GOLGA3: variants seen among roughly 807,000 people sequenced by gnomAD.
The protein encoded by GOLGA3 is golgin subfamily A member 3.
Under a neutral mutation model 169.4 loss-of-function variants are expected in GOLGA3, and 75 were observed. The observed-to-expected ratio is 0.44, with a 90% CI of 0.37 to 0.54. The LOEUF (loss-of-function observed/expected upper bound fraction) is 0.54, where lower values mean the gene tolerates loss of function less well. GOLGA3 is among the 20% of genes least tolerant of loss of function. The pLI, the probability that GOLGA3 is intolerant of heterozygous loss-of-function variation, is 0.00. For missense variants in GOLGA3, 1,899 were observed against 1,930.0 expected (o/e 0.98, Z 0.30); for synonymous variants, 824 against 822.4 (o/e 1.00, Z -0.03).
chr12:132,782,396 G>A lies in GOLGA3; in HGVS notation c.3365C>T (p.Thr1122Met), dbSNP rs753775630. Reference sequence around the variant, plus strand: ...AGCTGCGTTGGACTGACCGAGGCCCGTAAGCTTCCCTTTCTCGTGCTCTAA... The same window carrying A: ...AGCTGCGTTGGACTGACCGAGGCCCATAAGCTTCCCTTTCTCGTGCTCTAA... ...LELEHEKGKL[T>M]GLGQSNAALR... is the part of the protein sequence containing the mutation. The change falls in exon 17 of 24, where the codon ACG (threonine) becomes ATG (methionine). Residue 1122 changes from threonine to methionine, a missense_variant. Coordinates refer to ENST00000450791, the MANE Select transcript of GOLGA3 (RefSeq NM_001389683.1). 20 of 1,614,138 alleles carry A rather than the reference G, an allele frequency of 1.2e-5. No homozygotes were observed. The highest frequency in any genetic ancestry group is 1.6e-4 in the Middle Eastern group (1 of 6,062).
chr12:132,776,802 T>G, intron 20 of GOLGA3, 46 bp from the exon 21 acceptor site: 1 of 1,605,486 alleles, frequency 6.2e-7, no homozygotes. Context: ...TAAAGTGGCT[T>G]TACTGCCCTG....
intron 11 of GOLGA3, among the ~76,000 whole-genome samples, chr12:132,792,216 C>G (rs1243013077): frequency 6.6e-6 from 1 of 152,214 alleles, no homozygotes; most frequent in African/African-American, 2.4e-5. Context: ...CTCCTCACCA[C>G]TGACAGCATG....
intron 2 of GOLGA3, among the ~76,000 whole-genome samples, chr12:132,821,418 AAAG>A (rs1451147090): frequency 6.6e-6 from 1 of 152,040 alleles, no homozygotes; most frequent in Non-Finnish European, 1.5e-5. Flanking sequence ...GAAAAAAAAA[AAAG>A]GTAGAATTTT....
intron 8 of GOLGA3, 113 bp downstream of exon 8, chr12:132,801,654 A>T: frequency 9.8e-7 from 1 of 1,024,812 alleles, no homozygotes; most frequent in Non-Finnish European, 1.4e-6. Context: ...ACAGCAGGTT[A>T]AAAACAAAAA....
At chr12:132,826,257 A>AC in intron 1 of GOLGA3, 1 of 1,213,918 alleles carries the variant, frequency 8.2e-7, no homozygotes, top group Non-Finnish European at 1.1e-6. Flanking sequence ...AAAAAAAAAA[A>AC]AGAAACTGGA....
Position 132,781,056 on chromosome 12 carries a change from T to C in GOLGA3, c.3466-142A>G, listed in dbSNP as rs2045576572. The C allele has an allele frequency of 4.6e-6, 3 of 648,962 alleles. No individual in the cohort carries two copies. The Admixed American group carries it at 7.5e-5, about 16-fold the overall frequency. 40.2% of individuals were successfully genotyped at this position (648,962 alleles called of 1,614,324 possible). The stretch of plus-strand genomic sequence containing the variant: ...GGGAACTTCACTGCTGAAGAATCTG[T>C]GACAAAAACAGAATCCTAGGTTGCG... On this transcript the variant is annotated intron_variant, in intron 17 of 23. Coordinates refer to ENST00000450791, the MANE Select transcript of GOLGA3 (RefSeq NM_001389683.1).
At chr12:132,789,343 G>C in intron 12 of GOLGA3, 53 bp from the exon 13 acceptor site, 3 of 1,459,904 alleles carry the variant, frequency 2.1e-6, no homozygotes, top group Non-Finnish European at 2.7e-6. Context: ...CGTGGGGGGC[G>C]TACCTGGGGG....
chr12:132,773,961 T>C (rs376477694), intron 23 of GOLGA3, among the ~76,000 whole-genome samples, 196 bp downstream of exon 23: 1 of 148,260 alleles, frequency 6.7e-6, no homozygotes, highest in Non-Finnish European at 1.5e-5. Context: ...TCCCCCTTTA[T>C]ATAAACCTCA....
At chr12:132,780,962 A>T (rs1566076193) in intron 17 of GOLGA3, 48 bp from the exon 18 acceptor site, 3 of 1,400,738 alleles carry the variant, frequency 2.1e-6, no homozygotes, top group Admixed American at 1.7e-5. Context: ...TCGAATTACA[A>T]ACACACAAGG....
At position 132,777,856 on chromosome 12, in the gene GOLGA3, T is replaced by C; in HGVS notation, c.3583-51A>G. On this transcript the variant is annotated intron_variant, in intron 18 of 23. Coordinates refer to ENST00000450791, the MANE Select transcript of GOLGA3 (RefSeq NM_001389683.1). This position sits in a 1 kb window ranked among gnomAD's most constrained non-coding sequence, Gnocchi z 4.7. ...CATGCCCTGCGTGACACCCACAGCT[T>C]TATGACGTGCCGGGCGCAGGGGGTG... 1.3e-6 allele frequency: 2 copies of C among 1,599,462 alleles called. No individual in the cohort carries two copies. Among genetic ancestry groups the C allele is most frequent in the South Asian group, 2.2e-5 (2 of 89,586 alleles).
At position 132,813,320 on chromosome 12, in the gene GOLGA3, C is replaced by T. The variant is rs778756369; in HGVS notation, c.506G>A (p.Arg169His). 17 of 1,609,568 alleles carry T rather than the reference C, an allele frequency of 1.1e-5. No individual in the cohort carries two copies. The Admixed American group carries it at 1.2e-4, about 11-fold the overall frequency. Reference sequence around the variant, plus strand: ...AGGGAGACTCACCCTCTCCTGCTGGCGCTTCACCCTGTACTGTTTGAGCTG... The same window carrying T: ...AGGGAGACTCACCCTCTCCTGCTGGTGCTTCACCCTGTACTGTTTGAGCTG... ...EEQLKQYRVK[R>H]QQERSSQPAT... Residue 169 changes from arginine to histidine, a missense_variant, in exon 4 of 24, where the codon CGC becomes CAC. Coordinates refer to ENST00000450791, the MANE Select transcript of GOLGA3 (RefSeq NM_001389683.1).
At chr12:132,820,453 G>A (rs1392422332) in intron 2 of GOLGA3, among the ~76,000 whole-genome samples, 10 of 152,188 alleles carry the variant, frequency 6.6e-5, no homozygotes. Flanking sequence ...CAGGTTCCAC[G>A]GCCGCGGGTC....
chr12:132,816,590 T>G lies in GOLGA3; in HGVS notation c.356A>C (p.Glu119Ala), dbSNP rs186871241. Residue 119 changes from glutamate to alanine, a missense_variant, in exon 3 of 24, where the codon GAA (glutamate) becomes GCA (alanine). By Grantham distance (107) the Glu-to-Ala change is moderately radical. Coordinates refer to ENST00000450791, the MANE Select transcript of GOLGA3 (RefSeq NM_001389683.1). Reference sequence around the variant, plus strand: ...ACTGAGTCTGAGAGACTGCAAAGCTTCTTTTCTAACACTGCCCTCAGCACT... The same window carrying G: ...ACTGAGTCTGAGAGACTGCAAAGCTGCTTTTCTAACACTGCCCTCAGCACT... ...GTSAEGSVRKEALQSLRLSLP... is the reference protein window; with the variant it reads ...GTSAEGSVRKAALQSLRLSLP... 137 of 1,614,118 alleles carry G rather than the reference T, an allele frequency of 8.5e-5. No individual in the cohort carries two copies. The East Asian group carries it at 2.8e-3, about 33-fold the overall frequency.
At chr12:132,810,813 A>AT (rs1949668122) in intron 4 of GOLGA3, among the ~76,000 whole-genome samples, 1 of 152,194 alleles carries the variant, frequency 6.6e-6, no homozygotes, top group East Asian at 1.9e-4. Flanking sequence ...GCCTGACGTC[A>AT]GTCAGGCCCG....
intron 13 of GOLGA3, among the ~76,000 whole-genome samples, chr12:132,787,879 C>T (rs868543971): frequency 1.4e-5 from 2 of 145,328 alleles, no homozygotes; most frequent in Admixed American, 1.3e-4. Context: ...CTTCCCGAGA[C>T]CCCAGGACCC....
chr12:132,801,578 T>TG (rs1052970072), intron 8 of GOLGA3, among the ~76,000 whole-genome samples, 189 bp downstream of exon 8: 121 of 149,856 alleles, frequency 8.1e-4, no homozygotes, highest in African/African-American at 1.2e-3. Context: ...GTCAGAAGGT[T>TG]GGGGGGGGGC....
chr12:132,798,361 C>T lies in GOLGA3; in HGVS notation c.1917G>A (p.Ala639=), dbSNP rs776142693. ...HRSMKEKGRI[A]AQLQGIEADM... ...TCACCTCAATGCCCTGCAGCTGTGC[C>T]GCGATGCGCCCCTTCTCCTTCATGG... is the stretch of plus-strand genomic sequence containing the variant. The change falls in exon 9 of 24, where the codon GCG becomes GCA. Residue 639 remains alanine (A), a synonymous_variant. Transcript: ENST00000450791. The T allele has an allele frequency of 1.2e-5, 20 of 1,612,762 alleles. No individual in the cohort carries two copies. The highest frequency in any genetic ancestry group is 1.7e-4 in the Middle Eastern group (1 of 6,058).
chr12:132,776,977 T>A lies in GOLGA3; in HGVS notation c.3836A>T (p.Gln1279Leu), dbSNP rs751598691. The A allele has an allele frequency of 2.5e-6, 4 of 1,601,898 alleles. No homozygotes were observed. Among genetic ancestry groups the A allele is most frequent in the Non-Finnish European group, 3.4e-6 (4 of 1,174,452 alleles). ...CGTCACCTCTTGGTTTCCCACGGGC[T>A]GTTTGCTGAGCTGCTCGTCCAGCTG... ...QKQLDEQLSK[Q>L]PVGNQEMENL... The change falls in exon 20 of 24, where the codon CAG (glutamine) becomes CTG (leucine). Residue 1279 changes from glutamine (Q) to leucine (L), a missense_variant. Coordinates refer to ENST00000450791, the MANE Select transcript of GOLGA3 (RefSeq NM_001389683.1).
At chr12:132,787,089 G>A (rs532376644) in intron 13 of GOLGA3, among the ~76,000 whole-genome samples, 27 of 152,170 alleles carry the variant, frequency 1.8e-4, no homozygotes, top group African/African-American at 6.3e-4. Context: ...GAGTGGCTGG[G>A]ACTACAGGTG....
Sources: allele counts gnomAD v4.1 joint callset (sites outside exome capture counted in the v4.1 genomes callset), GRCh38; gene constraint gnomAD v4.1.1; non-coding constraint Gnocchi (gnomAD v3.1); transcripts MANE v1.5; gene names NCBI Gene and HGNC (gene_info 2026-07-23, HGNC 2026-07-21).